The following CLVS1 variants were observed in gnomAD, a reference collection of about 807,000 sequenced individuals.
CLVS1 encodes clavesin 1, also known as clavesin-1.
A neutral mutation model predicts 33.1 loss-of-function variants in CLVS1; 10 were observed. The ratio of observed to expected loss-of-function variants is 0.30; its 90% CI spans 0.19 to 0.51. The LOEUF is 0.51. Ranked by LOEUF, CLVS1 falls within the 20% of genes least tolerant of loss-of-function variation. CLVS1 has a pLI of 0.97. For synonymous variants in CLVS1, 163 were observed against 166.1 expected (o/e 0.98, Z 0.14); for missense variants, 343 against 433.4 (o/e 0.79, Z 1.85).
At chr8:61,134,890 G>A (rs567327402) in intron 2 of CLVS1, among the ~76,000 whole-genome samples, 2 of 151,906 alleles carry the variant, frequency 1.3e-5, no homozygotes, top group Non-Finnish European at 2.9e-5. Flanking sequence ...CATCTTTGCT[G>A]GGGGGGTGGG....
intron 2 of CLVS1, among the ~76,000 whole-genome samples, chr8:61,226,980 G>GTTTT (rs55718731): frequency 9.8e-5 from 13 of 132,318 alleles, no homozygotes; most frequent in South Asian, 2.4e-4. Flanking sequence ...ACGAAAACAT[G>GTTTT]TTTTTTTTTT....
chr8:61,251,554 TG>T (rs761648754), intron 2 of CLVS1, among the ~76,000 whole-genome samples: 1 of 152,220 alleles, frequency 6.6e-6, no homozygotes, highest in East Asian at 1.9e-4. Flanking sequence ...GGGCTTTTTT[TG>T]GTTGGTAGGC....
intron 1 of CLVS1, among the ~76,000 whole-genome samples, chr8:61,061,402 C>T (rs2129277892): frequency 6.6e-6 from 1 of 152,244 alleles, no homozygotes; most frequent in Non-Finnish European, 1.5e-5. Flanking sequence ...ACCCATATGC[C>T]AGTCCTTTGC....
At chr8:61,115,547 C>T (rs1232151741) in intron 1 of CLVS1, among the ~76,000 whole-genome samples, 5 of 151,678 alleles carry the variant, frequency 3.3e-5, no homozygotes, top group African/African-American at 1.2e-4. Context: ...CCACAACAGT[C>T]CCCAGTGTGA....
chr8:61,106,505 C>T (rs1035028847), intron 1 of CLVS1, among the ~76,000 whole-genome samples: 4 of 152,152 alleles, frequency 2.6e-5, no homozygotes, highest in African/African-American at 9.7e-5. Flanking sequence ...GGGCAGCAAA[C>T]AATAAGGTGT....
At chr8:61,304,447 G>A (rs11986637) in intron 2 of CLVS1, among the ~76,000 whole-genome samples, 8,951 of 152,248 alleles carry the variant, frequency 0.059, 424 homozygotes, top group African/African-American at 0.13. Flanking sequence ...CTGCCAGGCC[G>A]AACCAAAACC....
rs189826923 is a variant in CLVS1, at chr8:61,089,206, A to T, written c.-243+31976A>T. Among the ~76,000 whole-genome samples, 420 of 152,302 alleles carry T rather than the reference A, an allele frequency of 2.8e-3. 1 individual carries two copies. The highest frequency in any genetic ancestry group is 4.1e-3 in the Non-Finnish European group (282 of 68,026). Reference sequence around the variant, plus strand: ...TAATAACCCTATTTTTCATTGCTCTAAATTAATCAATTTCTATAATTTAAC... The same window carrying T: ...TAATAACCCTATTTTTCATTGCTCTTAATTAATCAATTTCTATAATTTAAC... On this transcript the variant is annotated intron_variant, in intron 1 of 2. Transcript: ENST00000522621.
At chr8:61,023,565 C>T in the CLVS1 span, among the ~76,000 whole-genome samples, 3 of 152,206 alleles carry the variant, frequency 2.0e-5, no homozygotes, top group Non-Finnish European at 4.4e-5. Context: ...GCCCAGTAGT[C>T]AATTTCCTTT....
At chr8:61,482,850 A>G (rs1344415077) in intron 5 of CLVS1, among the ~76,000 whole-genome samples, 2 of 152,246 alleles carry the variant, frequency 1.3e-5, no homozygotes, top group Non-Finnish European at 2.9e-5. Flanking sequence ...TACTGGGTAT[A>G]TAACGAAATG....
In CLVS1 at chr8:61,123,271, A is replaced by AAATAATAATAAT. The variant is rs58959777; in HGVS notation, c.-242-8484_-242-8473dup. ...GAAACAAGAGTGAAACTCTGTCTCA[A>AAATAATAATAAT]AATAATAATAATAATAATAATAATA... On this transcript the variant is annotated intron_variant, in intron 1 of 2. Coordinates refer to the CLVS1 transcript ENST00000522621. 8.7e-3 allele frequency among the ~76,000 whole-genome samples: 1,277 copies of AAATAATAATAAT among 146,946 alleles called. 136 individuals carry two copies. The highest frequency in any genetic ancestry group is 0.029 in the African/African-American group (1,154 of 39,568).
the CLVS1 span, among the ~76,000 whole-genome samples, chr8:61,012,161 T>C: frequency 6.6e-6 from 1 of 152,174 alleles, no homozygotes; most frequent in African/African-American, 2.4e-5. Context: ...CCTTCCTGTT[T>C]TCTTCCCTCC....
At chr8:61,075,679 T>C (rs1804897230) in intron 1 of CLVS1, among the ~76,000 whole-genome samples, 1 of 152,224 alleles carries the variant, frequency 6.6e-6, no homozygotes, top group Non-Finnish European at 1.5e-5. Flanking sequence ...TCTTACACCC[T>C]TTTTCACCTT....
chr8:61,439,103 C>T (rs1816447835), intron 3 of CLVS1, among the ~76,000 whole-genome samples: 1 of 152,218 alleles, frequency 6.6e-6, no homozygotes, highest in Non-Finnish European at 1.5e-5. Context: ...CATCATGCTT[C>T]CTTCTCCAAG....
chr8:61,007,442 T>C, the CLVS1 span, among the ~76,000 whole-genome samples: 4 of 152,360 alleles, frequency 2.6e-5, no homozygotes, highest in Admixed American at 2.6e-4. Flanking sequence ...AGTCAAGTTC[T>C]TGGTTGCACT....
At chr8:61,405,687 T>C (rs1009418286) in intron 3 of CLVS1, among the ~76,000 whole-genome samples, 3 of 150,400 alleles carry the variant, frequency 2.0e-5, no homozygotes, top group Non-Finnish European at 2.9e-5. Context: ...ATCAATACAC[T>C]GATAAGTGGA....
intron 5 of CLVS1, among the ~76,000 whole-genome samples, chr8:61,485,896 G>T (rs1013955869): frequency 1.3e-5 from 2 of 152,056 alleles, no homozygotes; most frequent in African/African-American, 4.8e-5. Context: ...ATTAAACAAT[G>T]AGAACACTTG....
chr8:61,325,354 C>T (rs1811346728), intron 2 of CLVS1, among the ~76,000 whole-genome samples: 2 of 152,216 alleles, frequency 1.3e-5, no homozygotes, highest in Non-Finnish European at 2.9e-5. Flanking sequence ...GTCAATTTTA[C>T]CTCAATAAGA....
intron 2 of CLVS1, among the ~76,000 whole-genome samples, chr8:61,365,309 C>G (rs977236826): frequency 6.6e-6 from 1 of 152,116 alleles, no homozygotes; most frequent in Non-Finnish European, 1.5e-5. Context: ...GGGCGGATCA[C>G]CTGGGTCAGG....
intron 2 of CLVS1, among the ~76,000 whole-genome samples, chr8:61,206,165 C>T (rs1040283163): frequency 2.0e-5 from 3 of 152,112 alleles, no homozygotes; most frequent in Non-Finnish European, 4.4e-5. Flanking sequence ...TTAACAGTAT[C>T]CTGAGAATAC....
Sources: gnomAD v4.1 joint callset for allele counts (sites outside exome capture counted in the v4.1 genomes callset) on GRCh38, gnomAD v4.1.1 for gene constraint, MANE v1.5 for transcripts, NCBI Gene and HGNC (gene_info 2026-07-23, HGNC 2026-07-21) for gene names.